FER: variants seen among roughly 807,000 people sequenced by gnomAD.
FER encodes the protein tyrosine-protein kinase Fer.
A neutral mutation model predicts 111.0 loss-of-function variants in FER; 63 were observed. That is an observed-to-expected ratio of 0.57 (90% CI 0.46 to 0.70). The LOEUF is 0.70. Among genes scored for constraint, FER ranks in the 30% least tolerant of loss-of-function variants. FER has a pLI of 0.00. For missense variants in FER, 914 were observed against 954.0 expected, an observed-to-expected ratio of 0.96 and a Z score of 0.55; for synonymous variants, 327 against 313.9, an observed-to-expected ratio of 1.04 and a Z score of -0.44.
chr5:108,760,992 A>G (rs890812597), intron 1 of FER, among the ~76,000 whole-genome samples: 1 of 151,024 alleles, frequency 6.6e-6, no homozygotes, highest in South Asian at 2.1e-4. Flanking sequence ...GTGCAGTGGC[A>G]CGATCTCTGC....
chr5:108,816,308 G>A (rs1348151549), intron 3 of FER, among the ~76,000 whole-genome samples: 1 of 152,134 alleles, frequency 6.6e-6, no homozygotes, highest in Non-Finnish European at 1.5e-5. Flanking sequence ...TCCTTTACTG[G>A]CTACCTTCAT....
intron 13 of FER, among the ~76,000 whole-genome samples, chr5:108,987,856 G>A (rs1269476066): frequency 3.3e-5 from 5 of 152,002 alleles, no homozygotes; most frequent in African/African-American, 7.3e-5. Flanking sequence ...GAGAATGGGC[G>A]TCCTTGTCTC....
At chr5:108,984,321 T>A (rs1041232512) in intron 13 of FER, among the ~76,000 whole-genome samples, 5 of 152,152 alleles carry the variant, frequency 3.3e-5, no homozygotes, top group African/African-American at 1.2e-4. Context: ...GAAACAATTC[T>A]ATTAGTCAAG....
intron 18 of FER, among the ~76,000 whole-genome samples, chr5:109,184,350 T>TTTCCCTATAGAGTATTA (rs1758624438): frequency 6.6e-6 from 1 of 152,146 alleles, no homozygotes; most frequent in South Asian, 2.1e-4. Flanking sequence ...AATAGGACCT[T>TTTCCCTATAGAGTATTA]TTCCCTATAG....
At chr5:108,967,959 C>T (rs1007473190) in intron 13 of FER, among the ~76,000 whole-genome samples, 11 of 152,058 alleles carry the variant, frequency 7.2e-5, no homozygotes, top group Non-Finnish European at 1.5e-4. Context: ...GGGACCTGCC[C>T]CTATCTGCCT....
At chr5:108,909,734 A>AT (rs1751289048) in intron 10 of FER, among the ~76,000 whole-genome samples, 1 of 151,780 alleles carries the variant, frequency 6.6e-6, no homozygotes, top group Non-Finnish European at 1.5e-5. Context: ...GGACAGACTA[A>AT]TAGAGAAGAA....
At chr5:108,836,833 C>T (rs1236000784) in intron 5 of FER, among the ~76,000 whole-genome samples, 1 of 151,830 alleles carries the variant, frequency 6.6e-6, no homozygotes, top group Non-Finnish European at 1.5e-5. Flanking sequence ...CCTTCCTCTC[C>T]CTTGGACTCC....
chr5:108,914,562 A>C (rs549763817), intron 10 of FER, among the ~76,000 whole-genome samples: 65 of 152,336 alleles, frequency 4.3e-4, no homozygotes, highest in African/African-American at 1.3e-3. Context: ...TAAATTCTGA[A>C]TGCCTCTTGG....
chr5:108,914,880 T>C (rs1237592791), intron 10 of FER, among the ~76,000 whole-genome samples: 1 of 152,178 alleles, frequency 6.6e-6, no homozygotes, highest in East Asian at 1.9e-4. Flanking sequence ...AGGAGAAGGC[T>C]TGGGAAAAGC....
intron 13 of FER, among the ~76,000 whole-genome samples, chr5:108,998,308 G>A (rs1224571859): frequency 6.6e-6 from 1 of 152,150 alleles, no homozygotes; most frequent in African/African-American, 2.4e-5. Flanking sequence ...CTGGTCTGCG[G>A]ATTGTGAAGA....
At position 108,999,137 on chromosome 5, in the gene FER, T is replaced by A. The variant is rs76931667; in HGVS notation, c.1657-38285T>A. On this transcript the variant is annotated intron_variant, in intron 13 of 19. Coordinates refer to ENST00000281092, the MANE Select transcript of FER (RefSeq NM_005246.4). ...ACTTGTAGCCTTCCTTGATTCTATG[T>A]TTTTTCCAGTTAGTGTTATCTATAA... Among the ~76,000 whole-genome samples, 1,160 of 152,296 alleles carry A rather than the reference T, an allele frequency of 7.6e-3. 13 individuals are homozygous for A. The highest frequency in any genetic ancestry group is 0.027 in the Middle Eastern group (8 of 294).
intron 13 of FER, among the ~76,000 whole-genome samples, chr5:109,032,656 G>C (rs538626837): frequency 6.6e-6 from 1 of 152,062 alleles, no homozygotes; most frequent in East Asian, 1.9e-4. Context: ...TGTCACTCAC[G>C]AATCAATTAA....
At chr5:108,858,335 C>A (rs536902554) in intron 5 of FER, among the ~76,000 whole-genome samples, 1 of 152,264 alleles carries the variant, frequency 6.6e-6, no homozygotes, top group Non-Finnish European at 1.5e-5. Flanking sequence ...CTAACTCATG[C>A]CTCTGAAAAA....
chr5:108,965,904 A>C (rs904931366), intron 13 of FER, among the ~76,000 whole-genome samples: 7 of 152,172 alleles, frequency 4.6e-5, no homozygotes, highest in African/African-American at 1.7e-4. Context: ...ATAGTCTGCA[A>C]AGTTAAATTA....
intron 14 of FER, among the ~76,000 whole-genome samples, chr5:109,039,179 G>C (rs997278066): frequency 6.6e-6 from 1 of 150,654 alleles, no homozygotes; most frequent in Admixed American, 6.6e-5. Context: ...TTGGAGTTAA[G>C]TTATAATATA....
At chr5:108,873,754 A>G (rs1302882949) in intron 8 of FER, among the ~76,000 whole-genome samples, 7 of 152,178 alleles carry the variant, frequency 4.6e-5, no homozygotes, top group Non-Finnish European at 7.4e-5. Context: ...TTTATACTCC[A>G]GGGGACATTT....
At chr5:108,839,424 A>G (rs1301097292) in intron 5 of FER, among the ~76,000 whole-genome samples, 1 of 152,148 alleles carries the variant, frequency 6.6e-6, no homozygotes, top group East Asian at 1.9e-4. Context: ...AAGTGCCTGT[A>G]GGCTGCTTAA....
intron 3 of FER, chr5:108,820,093 T>G (rs560016395): frequency 8.5e-4 from 839 of 984,504 alleles, no homozygotes; most frequent in Middle Eastern, 1.5e-3. Flanking sequence ...AAAGAAGAGA[T>G]AAAAATCTCC....
chr5:108,817,903 A>T (rs1758446230), intron 3 of FER: 1 of 152,198 alleles, frequency 6.6e-6, no homozygotes. Flanking sequence ...TTACCTCTAT[A>T]GTCTTCCTAA....
Sources: gnomAD v4.1 joint callset for allele counts (sites outside exome capture counted in the v4.1 genomes callset) on GRCh38, gnomAD v4.1.1 for gene constraint, MANE v1.5 for transcripts, NCBI Gene and HGNC (gene_info 2026-07-23, HGNC 2026-07-21) for gene names.